The following SUGP1 variants were observed in gnomAD, a reference collection of about 807,000 sequenced individuals.
SUGP1 encodes SURP and G-patch domain containing 1.
Under a neutral mutation model 76.5 loss-of-function variants are expected in SUGP1, and 34 were observed. The ratio of observed to expected loss-of-function variants is 0.44; its 90% CI spans 0.34 to 0.59. The LOEUF (loss-of-function observed/expected upper bound fraction) is 0.59. Among genes scored for constraint, SUGP1 ranks in the 20% least tolerant of loss-of-function variants. The pLI is 0.01. For missense variants in SUGP1, 752 were observed against 851.7 expected, an observed-to-expected ratio of 0.88 and a Z score of 1.46; for synonymous variants, 326 against 326.2, an observed-to-expected ratio of 1.00 and a Z score of 0.01.
intron 2 of SUGP1, among the ~76,000 whole-genome samples, chr19:19,310,595 G>C (rs1456013985): frequency 6.6e-6 from 1 of 152,088 alleles, no homozygotes; most frequent in African/African-American, 2.4e-5. Flanking sequence ...CTAGACCTTA[G>C]AGTTTTCCAA....
intron 8 of SUGP1, among the ~76,000 whole-genome samples, chr19:19,291,608 G>A (rs1034307003): frequency 6.6e-6 from 1 of 151,992 alleles, no homozygotes; most frequent in African/African-American, 2.4e-5. Context: ...AAGGCCAAGA[G>A]GCTGGGCACG....
intron 7 of SUGP1, 93 bp downstream of exon 7, chr19:19,302,171 CA>C: frequency 6.5e-7 from 1 of 1,544,824 alleles, no homozygotes; most frequent in Non-Finnish European, 8.7e-7. Flanking sequence ...AGTGGGACCC[CA>C]GCAGGTGGCT....
chr19:19,295,480 T>C (rs1267429856), intron 8 of SUGP1, among the ~76,000 whole-genome samples: 1 of 151,882 alleles, frequency 6.6e-6, no homozygotes, highest in East Asian at 1.9e-4. Flanking sequence ...GGCACACGCC[T>C]GTAGTCCCAG....
chr19:19,283,176 G>T (rs911194634), intron 8 of SUGP1, among the ~76,000 whole-genome samples: 2 of 152,104 alleles, frequency 1.3e-5, no homozygotes, highest in African/African-American at 4.8e-5. Flanking sequence ...ACACATTGCA[G>T]AAAGTTAAAC....
At position 19,276,557 on chromosome 19, in the gene SUGP1, G is replaced by C. The variant is rs2061050655; in HGVS notation, c.*91C>G. On this transcript the variant is annotated 3_prime_UTR_variant, in exon 14 of 14. Transcript: ENST00000247001. ...CTTTATTACACGGCACGGCACTCGTGACAACGGAAGGGGTGGGCAGAAATG... is the reference window on the plus strand; with the variant it reads ...CTTTATTACACGGCACGGCACTCGTCACAACGGAAGGGGTGGGCAGAAATG... The C allele has an allele frequency of 6.6e-7, 1 of 1,526,478 alleles. No homozygotes were observed. The highest frequency in any genetic ancestry group is 1.4e-5 in the African/African-American group (1 of 73,238). 94.6% of individuals were successfully genotyped at this position (1,526,478 alleles called of 1,614,324 possible).
intron 11 of SUGP1, 150 bp from the exon 12 acceptor site, chr19:19,278,029 A>G (rs1345559090): frequency 1.0e-6 from 1 of 977,812 alleles, no homozygotes; most frequent in Non-Finnish European, 1.5e-6. Flanking sequence ...GAACAAACAG[A>G]CCAAGCTCCT....
intron 4 of SUGP1, among the ~76,000 whole-genome samples, chr19:19,304,907 C>G (rs766702991): frequency 1.3e-5 from 2 of 152,152 alleles, no homozygotes; most frequent in Non-Finnish European, 2.9e-5. Context: ...ATGGGCCCAG[C>G]AACAATCCTG....
rs1269227155 is a variant in SUGP1, at chr19:19,303,390, T to C, written c.721A>G (p.Ile241Val). 6.2e-7 allele frequency: 1 copy of C among 1,614,056 alleles called. No individual in the cohort carries two copies. Among genetic ancestry groups the C allele is most frequent in the African/African-American group, 1.3e-5 (1 of 74,904 alleles). ...TGCGACTTCTGTGCTTCCTTTCTTATCTCAGCCACCTTCTTCCTGTAGTAG... is the reference window on the plus strand; with the variant it reads ...TGCGACTTCTGTGCTTCCTTTCTTACCTCAGCCACCTTCTTCCTGTAGTAG... ...FLYYRKKVAE[I>V]RKEAQKSQAA... Residue 241 changes from isoleucine (I) to valine (V), a missense_variant, in exon 6 of 14, where the codon ATA becomes GTA. Physicochemically the swap from Ile to Val is conservative, Grantham distance 29. Transcript: ENST00000247001.
At position 19,297,348 on chromosome 19, in the gene SUGP1, C is replaced by A; in HGVS notation, c.888-4G>T. ...GCTATTGGGCTCATACAGAAAGCTG[C>A]AAAGGAGAGTTGGGGGGTGCAGTGT... On this transcript the variant is annotated splice_region_variant and splice_polypyrimidine_tract_variant and intron_variant, in intron 7 of 13. Transcript: ENST00000247001. 1 of 1,510,694 alleles carries A rather than the reference C, an allele frequency of 6.6e-7. No homozygotes were observed. Among genetic ancestry groups the A allele is most frequent in the South Asian group, 1.3e-5 (1 of 75,382 alleles). 93.6% of individuals were successfully genotyped at this position (1,510,694 alleles called of 1,614,324 possible). A position where few individuals can be genotyped will look rare whatever the true frequency, so the allele number is the denominator to read the frequency against.
In SUGP1 at chr19:19,280,079, A is replaced by G. The variant is rs2061085810; in HGVS notation, c.1350+106T>C. Reference sequence around the variant, plus strand: ...GCCATGGGTTCCACCTGAACACAGGAGCTTGGCGAAGCACATGAACCCCTG... The same window carrying G: ...GCCATGGGTTCCACCTGAACACAGGGGCTTGGCGAAGCACATGAACCCCTG... On this transcript the variant is annotated intron_variant, in intron 9 of 13. Coordinates refer to ENST00000247001, the MANE Select transcript of SUGP1 (RefSeq NM_172231.4). 2.3e-5 allele frequency: 26 copies of G among 1,108,164 alleles called. No homozygotes were observed. In the South Asian group the frequency reaches 3.7e-4, roughly 16 times the overall value. 68.6% of individuals were successfully genotyped at this position (1,108,164 alleles called of 1,614,324 possible).
chr19:19,316,540 T>C lies in SUGP1; in HGVS notation c.88A>G (p.Met30Val), dbSNP rs765749539. ...AGCTCTTCCTGGTGAAGGATGTTCA[T>C]GTTCATTTTTCCAGATTTAGGGGGA... ...VAPPKSGKMN[M>V]NILHQEELIA... The change falls in exon 2 of 14, where the codon ATG (methionine) becomes GTG (valine). Residue 30 changes from methionine (M) to valine (V), a missense_variant. Met to Val is a conservative substitution (Grantham distance 21). Transcript: ENST00000247001. 6.2e-6 allele frequency: 10 copies of C among 1,613,822 alleles called. No individual in the cohort carries two copies. Among genetic ancestry groups the C allele is most frequent in the Middle Eastern group, 1.6e-4 (1 of 6,082 alleles).
chr19:19,295,465 G>A lies in SUGP1; in HGVS notation c.1243+1524C>T, dbSNP rs537813056. On this transcript the variant is annotated intron_variant, in intron 8 of 13. Transcript: ENST00000247001. ...TAAAAATACAAAAATTTTGCCAGGC[G>A]TGGTGGCACACGCCTGTAGTCCCAG... Among the ~76,000 whole-genome samples, 10 of 151,784 alleles carry A rather than the reference G, an allele frequency of 6.6e-5. No individual in the cohort carries two copies. The South Asian group carries it at 1.9e-3, about 29-fold the overall frequency.
At chr19:19,278,589 CGA>C (rs2061072367) in intron 11 of SUGP1, 99 bp downstream of exon 11, 1 of 1,012,914 alleles carries the variant, frequency 9.9e-7, no homozygotes, top group African/African-American at 1.6e-5. Flanking sequence ...CTGCTGTGAT[CGA>C]GAGGGTAGCC....
intron 8 of SUGP1, among the ~76,000 whole-genome samples, chr19:19,295,605 C>CAAAAAAAAAAAAAAAAAAAAAAAAA (rs55921805): frequency 1.5e-5 from 1 of 66,810 alleles, no homozygotes; most frequent in Non-Finnish European, 3.0e-5. Context: ...GACTCCTTCT[C>CAAAAAAAAAAAAAAAAAAAAAAAAA]AAAAAAAAAA....
chr19:19,315,577 G>A (rs1599873689), intron 2 of SUGP1, among the ~76,000 whole-genome samples: 1 of 152,160 alleles, frequency 6.6e-6, no homozygotes, highest in Admixed American at 6.6e-5. Flanking sequence ...TCCACTAAGG[G>A]ACAGCCCCTT....
At chr19:19,319,093 G>A (rs1410676033) in intron 1 of SUGP1, among the ~76,000 whole-genome samples, 1 of 151,798 alleles carries the variant, frequency 6.6e-6, no homozygotes, top group Non-Finnish European at 1.5e-5. Flanking sequence ...GCGGTGGCCG[G>A]CGCCTGTAAT....
intron 8 of SUGP1, among the ~76,000 whole-genome samples, chr19:19,295,055 T>C (rs1260034920): frequency 6.6e-6 from 1 of 152,094 alleles, no homozygotes; most frequent in Non-Finnish European, 1.5e-5. Context: ...CCCAGGACTC[T>C]GAGAGGCTGA....
intron 7 of SUGP1, 81 bp from the exon 8 acceptor site, chr19:19,297,425 T>TTC: frequency 1.0e-5 from 12 of 1,175,990 alleles, no homozygotes; most frequent in Non-Finnish European, 1.4e-5. Context: ...AGTTCTGGCC[T>TTC]TGTGTGCCCA....
At chr19:19,279,433 G>T in intron 9 of SUGP1, 43 bp from the exon 10 acceptor site, 1 of 1,526,266 alleles carries the variant, frequency 6.6e-7, no homozygotes, top group Non-Finnish European at 8.8e-7. Flanking sequence ...CGGTGCTGTG[G>T]CCTGCCGGAG....
Sources: gnomAD v4.1 joint callset for allele counts (sites outside exome capture counted in the v4.1 genomes callset) on GRCh38, gnomAD v4.1.1 for gene constraint, MANE v1.5 for transcripts, NCBI Gene and HGNC (gene_info 2026-07-23, HGNC 2026-07-21) for gene names.